The following TTI1 variants were observed in gnomAD, a reference collection of about 807,000 sequenced individuals.
TTI1 encodes the protein TELO2 interacting protein 1, also known as TELO2-interacting protein 1 homolog.
In TTI1, 52 loss-of-function variants were observed where a neutral mutation model predicts 85.4. The observed-to-expected ratio is 0.61, with a 90% CI of 0.49 to 0.77. TTI1 has a LOEUF of 0.77. Among genes scored for constraint, TTI1 ranks in the 30% least tolerant of loss-of-function variants. The pLI is 0.00. For synonymous variants in TTI1, 512 were observed against 503.9 expected (o/e 1.02, Z -0.22); for missense variants, 1,173 against 1,296.0 (o/e 0.91, Z 1.46).
chr20:38,006,495 C>T, intron 2 of TTI1, 98 bp from the exon 3 acceptor site: 1 of 1,348,730 alleles, frequency 7.4e-7, no homozygotes. Context: ...TGCACAGCCC[C>T]CACATGATTC....
chr20:38,014,425 C>T (rs1022976403), intron 1 of TTI1, among the ~76,000 whole-genome samples: 2 of 152,156 alleles, frequency 1.3e-5, no homozygotes, highest in African/African-American at 4.8e-5. Flanking sequence ...CTGGAGGTAA[C>T]CACTCTTATG....
intron 3 of TTI1, among the ~76,000 whole-genome samples, chr20:38,004,703 C>T (rs968615038): frequency 6.6e-6 from 1 of 152,116 alleles, no homozygotes; most frequent in African/African-American, 2.4e-5. Context: ...GTGGATTTTC[C>T]TGTTATTGGA....
Position 38,006,302 on chromosome 20 carries a change from C to T in TTI1, c.2398G>A (p.Glu800Lys), listed in dbSNP as rs1339273029. The stretch of plus-strand genomic sequence containing the variant: ...TCTTCAGCTGTGGTGGTGCTCTTCT[C>T]AAGAGCTGCTGGTCTTTGGTTCAAA... ...SHLNQRPAALEKSTTTAEDIE... is the reference protein window; with the variant it reads ...SHLNQRPAALKKSTTTAEDIE... Residue 800 changes from glutamate (E) to lysine (K), a missense_variant, in exon 3 of 8, where the codon GAG becomes AAG. Coordinates refer to ENST00000373447, the MANE Select transcript of TTI1 (RefSeq NM_001303457.2). 2 of 1,614,222 alleles carry T rather than the reference C, an allele frequency of 1.2e-6. No individual in the cohort carries two copies. Among genetic ancestry groups the T allele is most frequent in the East Asian group, 4.5e-5 (2 of 44,882 alleles).
At chr20:37,997,251 TA>T (rs200125660) in intron 5 of TTI1, among the ~76,000 whole-genome samples, 9,558 of 143,004 alleles carry the variant, frequency 0.067, 340 homozygotes, top group Non-Finnish European at 0.091. Flanking sequence ...CCATTTTTGT[TA>T]AAAAAAAAAA....
chr20:38,006,239 C>A lies in TTI1; in HGVS notation c.2461G>T (p.Asp821Tyr), dbSNP rs1350614939. ...QFLLNYLKEK[D>Y]VADGNVSDFD... ...TCCGAGACATTTCCATCTGCCACAT[C>A]CTTCTCTTTGAGGTAGTTCAGCAAA... Residue 821 changes from aspartate to tyrosine, a missense_variant, in exon 3 of 8, where the codon GAT becomes TAT. Asp to Tyr is a radical substitution (Grantham distance 160, BLOSUM62 -3). Coordinates refer to ENST00000373447, the MANE Select transcript of TTI1 (RefSeq NM_001303457.2). The A allele has an allele frequency of 6.2e-7, 1 of 1,614,090 alleles. No individual in the cohort carries two copies. Among genetic ancestry groups the A allele is most frequent in the Non-Finnish European group, 8.5e-7 (1 of 1,180,040 alleles).
intron 3 of TTI1, chr20:38,005,712 G>A (rs2073486446): frequency 6.6e-6 from 1 of 152,498 alleles, no homozygotes; most frequent in African/African-American, 2.4e-5. Context: ...AAGGCAATTT[G>A]GCAAGCATTA....
chr20:37,990,551 A>G (rs1307977666), intron 7 of TTI1, among the ~76,000 whole-genome samples: 1 of 152,212 alleles, frequency 6.6e-6, no homozygotes, highest in African/African-American at 2.4e-5. Context: ...ATCATAAGAG[A>G]CCCAATAAAA....
At chr20:38,006,629 A>G (rs2073504624) in intron 2 of TTI1, among the ~76,000 whole-genome samples, 1 of 151,852 alleles carries the variant, frequency 6.6e-6, no homozygotes, top group South Asian at 2.1e-4. Flanking sequence ...TGTCTGGAAT[A>G]CCTCCCATCT....
intron 1 of TTI1, among the ~76,000 whole-genome samples, chr20:38,017,436 G>A (rs887510619): frequency 2.2e-5 from 3 of 137,942 alleles, no homozygotes; most frequent in African/African-American, 8.2e-5. Context: ...GTGTGTGTGT[G>A]CGCGCGCGCC....
At chr20:38,014,182 T>C (rs550146017) in intron 1 of TTI1, among the ~76,000 whole-genome samples, 1 of 152,336 alleles carries the variant, frequency 6.6e-6, no homozygotes, top group South Asian at 2.1e-4. Flanking sequence ...CTGTGGACTA[T>C]TTTCAGGAGT....
chr20:37,995,904 G>A (rs974403832), intron 7 of TTI1, among the ~76,000 whole-genome samples: 4 of 152,204 alleles, frequency 2.6e-5, no homozygotes, highest in African/African-American at 9.7e-5. Flanking sequence ...AAAGGCACAT[G>A]TGCACCTGCC....
At chr20:37,986,917 C>T (rs2122475529) in intron 7 of TTI1, among the ~76,000 whole-genome samples, 1 of 152,304 alleles carries the variant, frequency 6.6e-6, no homozygotes, top group Admixed American at 6.5e-5. Context: ...TATCCCAGTT[C>T]TCAGCCAATG....
At chr20:38,001,674 T>G (rs1285270011) in intron 4 of TTI1, among the ~76,000 whole-genome samples, 1 of 152,088 alleles carries the variant, frequency 6.6e-6, no homozygotes, top group Admixed American at 6.5e-5. Context: ...AGCAAGGCAA[T>G]GTACACTCAT....
At chr20:38,031,889 GAATTA>G (rs2073912702) in intron 1 of TTI1, among the ~76,000 whole-genome samples, 1 of 152,164 alleles carries the variant, frequency 6.6e-6, no homozygotes, top group South Asian at 2.1e-4. Flanking sequence ...ACTGATGTAA[GAATTA>G]AATTTAAAAA....
intron 7 of TTI1, among the ~76,000 whole-genome samples, chr20:37,994,211 G>A: frequency 6.6e-6 from 1 of 152,142 alleles, no homozygotes; most frequent in East Asian, 1.9e-4. Context: ...TTGGCTCACT[G>A]CAACATCCGC....
chr20:38,023,007 C>T (rs1009952309), intron 1 of TTI1, among the ~76,000 whole-genome samples: 3 of 152,114 alleles, frequency 2.0e-5, no homozygotes, highest in Admixed American at 1.3e-4. Flanking sequence ...ATGGAAAGAA[C>T]GACTGGGTTT....
chr20:38,010,808 C>T (rs1013333392), intron 2 of TTI1, among the ~76,000 whole-genome samples: 1 of 152,092 alleles, frequency 6.6e-6, no homozygotes, highest in Non-Finnish European at 1.5e-5. Context: ...CTAACATCTT[C>T]GGTAAGCACC....
chr20:37,990,545 T>C (rs1050484624), intron 7 of TTI1, among the ~76,000 whole-genome samples: 21 of 152,226 alleles, frequency 1.4e-4, no homozygotes, highest in African/African-American at 5.1e-4. Context: ...TGGCTCATCA[T>C]AAGAGACCCA....
At chr20:38,028,257 A>C (rs756397520) in intron 1 of TTI1, among the ~76,000 whole-genome samples, 7 of 152,214 alleles carry the variant, frequency 4.6e-5, no homozygotes, top group Non-Finnish European at 1.0e-4. Context: ...TAAAAACATG[A>C]TCTAACTACA....
Sources: allele counts gnomAD v4.1 joint callset (sites outside exome capture counted in the v4.1 genomes callset), GRCh38; gene constraint gnomAD v4.1.1; transcripts MANE v1.5; gene names NCBI Gene and HGNC (gene_info 2026-07-23, HGNC 2026-07-21).